The following AP3B1 variants were observed in gnomAD, a reference collection of about 807,000 sequenced individuals.
The protein encoded by AP3B1 is adaptor related protein complex 3 subunit beta 1, also known as AP-3 complex subunit beta-1.
Under a neutral mutation model 132.5 loss-of-function variants are expected in AP3B1, and 61 were observed. That is an observed-to-expected ratio of 0.46 (90% CI 0.37 to 0.57). The LOEUF (loss-of-function observed/expected upper bound fraction) is 0.57, where lower values mean the gene tolerates loss of function less well. Ranked by LOEUF, AP3B1 falls within the 20% of genes least tolerant of loss-of-function variation. AP3B1 has a pLI of 0.00. For missense variants in AP3B1, 1,120 were observed against 1,289.4 expected, an observed-to-expected ratio of 0.87 and a Z score of 2.01; for synonymous variants, 388 against 438.3, an observed-to-expected ratio of 0.89 and a Z score of 1.43.
chr5:78,066,312 G>T (rs1006324374), intron 22 of AP3B1, among the ~76,000 whole-genome samples: 3 of 152,206 alleles, frequency 2.0e-5, no homozygotes, highest in African/African-American at 7.2e-5. Flanking sequence ...GGCTGAGGCT[G>T]AGATGGATGA....
chr5:78,144,452 T>C (rs1461000064), intron 14 of AP3B1, among the ~76,000 whole-genome samples: 1 of 152,218 alleles, frequency 6.6e-6, no homozygotes, highest in African/African-American at 2.4e-5. Context: ...ACCAGCCCAC[T>C]GCACAGTGCA....
At chr5:78,206,524 G>A (rs905446718) in intron 7 of AP3B1, among the ~76,000 whole-genome samples, 13 of 152,154 alleles carry the variant, frequency 8.5e-5, no homozygotes, top group African/African-American at 2.7e-4. Flanking sequence ...CAAGGAGGAA[G>A]AAGGATCTTT....
chr5:78,218,036 A>G (rs1746031045), intron 6 of AP3B1, among the ~76,000 whole-genome samples: 1 of 152,098 alleles, frequency 6.6e-6, no homozygotes, highest in African/African-American at 2.4e-5. Context: ...GGTACTAACA[A>G]ATATCATTAA....
At chr5:78,036,843 T>C (rs1353789529) in intron 23 of AP3B1, among the ~76,000 whole-genome samples, 1 of 152,172 alleles carries the variant, frequency 6.6e-6, no homozygotes, top group African/African-American at 2.4e-5. Context: ...ACAGTATTTG[T>C]TTTCTGTTGC....
intron 21 of AP3B1, among the ~76,000 whole-genome samples, chr5:78,096,492 C>G (rs541959795): frequency 4.0e-5 from 6 of 151,120 alleles, no homozygotes; most frequent in African/African-American, 1.5e-4. Flanking sequence ...ATGTGAGGAG[C>G]CCCTCTGCCT....
intron 1 of AP3B1, among the ~76,000 whole-genome samples, chr5:78,281,445 A>AG (rs1713921701): frequency 6.6e-6 from 1 of 151,858 alleles, no homozygotes; most frequent in South Asian, 2.1e-4. Context: ...AAAAAAAAAA[A>AG]AAAAAAAAAA....
At chr5:78,091,615 A>G (rs364789) in intron 21 of AP3B1, among the ~76,000 whole-genome samples, 36,571 of 152,144 alleles carry the variant, frequency 0.24, 4,611 homozygotes, top group Admixed American at 0.31. Context: ...TTTAAGTAAG[A>G]GTGAGATTTG....
At chr5:78,025,821 T>C in intron 24 of AP3B1, among the ~76,000 whole-genome samples, 1 of 152,216 alleles carries the variant, frequency 6.6e-6, no homozygotes, top group East Asian at 1.9e-4. Flanking sequence ...GCCACTGCAG[T>C]TGGGTTTCTG....
chr5:78,003,557 T>C, intron 26 of AP3B1: 1 of 360,058 alleles, frequency 2.8e-6, no homozygotes, highest in Non-Finnish European at 3.9e-6. Flanking sequence ...TTACTAAGTT[T>C]CAATGAATTC....
rs560519418 is a variant in AP3B1, at chr5:78,086,980, C to T, written c.2577+2413G>A. ...CCACAACCCGTAGCATTTGCGTTGC[C>T]GAATAACACACCTATATCAATCTGC... On this transcript the variant is annotated intron_variant, in intron 22 of 26. Transcript: ENST00000255194. Among the ~76,000 whole-genome samples the T allele has an allele frequency of 5.9e-5, 9 of 152,130 alleles. No homozygotes were observed. The South Asian group carries it at 1.0e-3, about 18-fold the overall frequency.
intron 23 of AP3B1, among the ~76,000 whole-genome samples, chr5:78,038,330 G>A (rs190479803): frequency 7.4e-4 from 113 of 152,326 alleles, no homozygotes; most frequent in African/African-American, 2.6e-3. Context: ...ACATGGAGAG[G>A]AAGATAAGCA....
At chr5:78,020,596 G>A in intron 25 of AP3B1, 96 bp downstream of exon 25, 1 of 948,896 alleles carries the variant, frequency 1.1e-6, no homozygotes, top group South Asian at 1.4e-5. Flanking sequence ...TCTGTTAATG[G>A]CTATGTACCT....
At chr5:78,155,641 T>C (rs535635050) in intron 14 of AP3B1, among the ~76,000 whole-genome samples, 8 of 152,166 alleles carry the variant, frequency 5.3e-5, no homozygotes, top group Non-Finnish European at 8.8e-5. Context: ...AACAAAAGGC[T>C]ACATATTGTC....
chr5:78,290,589 G>T (rs374647786), intron 1 of AP3B1, among the ~76,000 whole-genome samples: 4 of 90,948 alleles, frequency 4.4e-5, no homozygotes, highest in East Asian at 2.9e-4. Context: ...GTTAAAAGAA[G>T]TTTTTTTTTA....
intron 3 of AP3B1, among the ~76,000 whole-genome samples, chr5:78,236,643 G>C (rs1449080533): frequency 6.6e-6 from 1 of 152,114 alleles, no homozygotes; most frequent in Admixed American, 6.6e-5. Context: ...TTATTTGTGA[G>C]GATAAAACGG....
At chr5:78,282,505 C>A (rs57209840) in intron 1 of AP3B1, among the ~76,000 whole-genome samples, 34,361 of 151,898 alleles carry the variant, frequency 0.23, 4,067 homozygotes, top group Admixed American at 0.28. Flanking sequence ...ATGTGGTGCA[C>A]ATTAAAGGTA....
intron 1 of AP3B1, among the ~76,000 whole-genome samples, chr5:78,275,253 T>C (rs1212348112): frequency 3.3e-5 from 5 of 152,274 alleles, no homozygotes; most frequent in Non-Finnish European, 7.4e-5. Flanking sequence ...TAGAATTCCA[T>C]ACCCAGGATA....
At chr5:78,203,844 T>C (rs1277286584) in intron 7 of AP3B1, among the ~76,000 whole-genome samples, 1 of 152,184 alleles carries the variant, frequency 6.6e-6, no homozygotes, top group African/African-American at 2.4e-5. Flanking sequence ...CACCCATTCA[T>C]TTTCTGCCTG....
chr5:78,291,779 G>A (rs1749534687), intron 1 of AP3B1, among the ~76,000 whole-genome samples: 1 of 152,072 alleles, frequency 6.6e-6, no homozygotes, highest in African/African-American at 2.4e-5. Flanking sequence ...CTGTACTTGA[G>A]GAAAAAAATG....
Sources: allele counts gnomAD v4.1 joint callset (sites outside exome capture counted in the v4.1 genomes callset), GRCh38; gene constraint gnomAD v4.1.1; transcripts MANE v1.5; gene names NCBI Gene and HGNC (gene_info 2026-07-23, HGNC 2026-07-21).